Variants in EBF2 observed in about 807,000 individuals in gnomAD.
EBF2 encodes the protein EBF transcription factor 2, also known as transcription factor COE2.
Under a neutral mutation model 72.8 loss-of-function variants are expected in EBF2, and 21 were observed. The observed-to-expected ratio is 0.29, with a 90% CI of 0.20 to 0.42. The LOEUF is 0.42. Ranked by LOEUF, EBF2 falls within the 10% of genes least tolerant of loss-of-function variation. EBF2 has a pLI of 1.00. For missense variants in EBF2, 637 were observed against 731.2 expected (o/e 0.87, Z 1.49); for synonymous variants, 299 against 274.2 (o/e 1.09, Z -0.89).
chr8:25,878,680 C>T (rs890888314), intron 10 of EBF2, among the ~76,000 whole-genome samples: 1 of 152,192 alleles, frequency 6.6e-6, no homozygotes, highest in Non-Finnish European at 1.5e-5. Context: ...GACTCCTGAG[C>T]CATCCTTGAT....
chr8:25,845,764 G>T (rs1801820633), intron 15 of EBF2, among the ~76,000 whole-genome samples: 1 of 152,158 alleles, frequency 6.6e-6, no homozygotes, highest in South Asian at 2.1e-4. Context: ...TTAGAAAATG[G>T]CAGAATAGTT....
At chr8:25,903,039 C>A (rs1802979964) in intron 7 of EBF2, among the ~76,000 whole-genome samples, 2 of 152,190 alleles carry the variant, frequency 1.3e-5, no homozygotes, top group Non-Finnish European at 2.9e-5. Flanking sequence ...ACAGTTGATA[C>A]CCATTTTAGT....
chr8:25,881,706 A>G (rs1563387241), intron 10 of EBF2, among the ~76,000 whole-genome samples: 1 of 152,232 alleles, frequency 6.6e-6, no homozygotes, highest in East Asian at 1.9e-4. Flanking sequence ...CAAATGTTGC[A>G]TTTCCCAAGA....
intron 6 of EBF2, among the ~76,000 whole-genome samples, chr8:25,993,025 C>A (rs1279425065): frequency 6.6e-6 from 1 of 152,126 alleles, no homozygotes; most frequent in African/African-American, 2.4e-5. Context: ...CCTTTCCCTG[C>A]CCCCACCTCC....
rs147693815 is a variant in EBF2, at chr8:25,896,046, T to C, written c.634-6177A>G. Among the ~76,000 whole-genome samples the C allele has an allele frequency of 5.7e-3, 867 of 152,248 alleles. 5 individuals carry two copies. Among genetic ancestry groups the C allele is most frequent in the African/African-American group, 0.019 (804 of 41,552 alleles). On this transcript the variant is annotated intron_variant, in intron 7 of 15. Coordinates refer to ENST00000520164, the MANE Select transcript of EBF2 (RefSeq NM_022659.4). ...TGGCCAGTTGGGCCCTACTCCCAGC[T>C]AGGCTTTTTCAGCTCCTACCCAGGT...
In EBF2 at chr8:25,861,092, C is replaced by G. The variant is rs958758142; in HGVS notation, c.1299G>C (p.Gln433His). The G allele has an allele frequency of 6.2e-7, 1 of 1,614,020 alleles. No homozygotes were observed. The highest frequency in any genetic ancestry group is 1.3e-5 in the African/African-American group (1 of 74,910). ...GMMGINSYGSQLGVSISESTQ... is the reference protein window; with the variant it reads ...GMMGINSYGSHLGVSISESTQ... The stretch of plus-strand genomic sequence containing the variant: ...TTGACTCTGAGATGCTGACCCCAAG[C>G]TGGCTGCCATAGGAGTTGATTCCCA... The change falls in exon 13 of 16, where the codon CAG becomes CAC. Residue 433 changes from glutamine to histidine, a missense_variant. Around this residue, in one of 3 missense-constraint regions of EBF2, gnomAD observed 259 missense variants for 268.1 expected, o/e 0.97. Coordinates refer to ENST00000520164, the MANE Select transcript of EBF2 (RefSeq NM_022659.4).
chr8:25,855,185 G>A (rs1268160202), intron 14 of EBF2, among the ~76,000 whole-genome samples: 2 of 152,272 alleles, frequency 1.3e-5, no homozygotes, highest in African/African-American at 4.8e-5. Flanking sequence ...CTTTGTAGGA[G>A]GATTGATTGG....
intron 6 of EBF2, among the ~76,000 whole-genome samples, chr8:26,010,201 T>C (rs1364709920): frequency 1.3e-5 from 2 of 152,336 alleles, no homozygotes; most frequent in Non-Finnish European, 1.5e-5. Context: ...TGGCATTTTT[T>C]CCCCCTTCTC....
At chr8:26,027,129 A>G (rs1019892683) in intron 6 of EBF2, among the ~76,000 whole-genome samples, 1 of 152,196 alleles carries the variant, frequency 6.6e-6, no homozygotes, top group Admixed American at 6.5e-5. Flanking sequence ...CCTTGTAGAT[A>G]TAAATCTCAC....
chr8:25,851,250 ATCT>A lies in EBF2; in HGVS notation c.1529-492_1529-490del, dbSNP rs567974734. On this transcript the variant is annotated intron_variant, in intron 14 of 15. Transcript: ENST00000520164. The stretch of plus-strand genomic sequence containing the variant: ...CAGGGGTTTGGTCTGTAGGGTTAAC[ATCT>A]TCTCTGAGAGTGCCATCTCTATGGG... 2.0e-3 allele frequency among the ~76,000 whole-genome samples: 308 copies of A among 152,280 alleles called. 2 individuals carry two copies. The highest frequency in any genetic ancestry group is 7.1e-3 in the African/African-American group (294 of 41,552).
At chr8:26,012,356 G>A (rs1805038886) in intron 6 of EBF2, among the ~76,000 whole-genome samples, 1 of 152,036 alleles carries the variant, frequency 6.6e-6, no homozygotes, top group Non-Finnish European at 1.5e-5. Context: ...GGGATTTTTA[G>A]GAATATTACA....
intron 7 of EBF2, among the ~76,000 whole-genome samples, chr8:25,890,540 C>T (rs963826766): frequency 1.3e-5 from 2 of 152,116 alleles, no homozygotes; most frequent in African/African-American, 4.8e-5. Flanking sequence ...GCTTCTGTCC[C>T]CTAACTTGCA....
At chr8:25,895,915 G>A (rs888802945) in intron 7 of EBF2, among the ~76,000 whole-genome samples, 16 of 92,904 alleles carry the variant, frequency 1.7e-4, no homozygotes, top group Admixed American at 4.2e-4. Context: ...TTGGAACACC[G>A]TGTGTGTATG....
chr8:25,993,187 A>G (rs892219252), intron 6 of EBF2, among the ~76,000 whole-genome samples: 1 of 152,184 alleles, frequency 6.6e-6, no homozygotes, highest in Non-Finnish European at 1.5e-5. Flanking sequence ...AAGTGCCCAG[A>G]ACCTTAGTTT....
At chr8:25,955,369 G>A (rs1180933758) in intron 6 of EBF2, among the ~76,000 whole-genome samples, 1 of 152,204 alleles carries the variant, frequency 6.6e-6, no homozygotes, top group African/African-American at 2.4e-5. Context: ...AATTCAGGTG[G>A]GGGCCTTGAG....
At chr8:25,978,419 G>A (rs977644328) in intron 6 of EBF2, among the ~76,000 whole-genome samples, 1 of 152,154 alleles carries the variant, frequency 6.6e-6, no homozygotes, top group Non-Finnish European at 1.5e-5. Flanking sequence ...TGTTAGCTGC[G>A]GATCTCCAAG....
At chr8:25,923,081 G>C (rs1448942139) in intron 6 of EBF2, among the ~76,000 whole-genome samples, 1 of 152,174 alleles carries the variant, frequency 6.6e-6, no homozygotes, top group Admixed American at 6.5e-5. Context: ...ACTCAAGTGA[G>C]CAGCAGGACA....
At chr8:25,909,512 C>G (rs1280696458) in intron 6 of EBF2, among the ~76,000 whole-genome samples, 1 of 151,988 alleles carries the variant, frequency 6.6e-6, no homozygotes, top group African/African-American at 2.4e-5. Context: ...GTCCCAAAGT[C>G]CCTTCAGAAC....
chr8:25,907,610 A>T (rs1803059092), intron 7 of EBF2, among the ~76,000 whole-genome samples: 1 of 151,960 alleles, frequency 6.6e-6, no homozygotes, highest in South Asian at 2.1e-4. Flanking sequence ...GGGGCAAGTT[A>T]TTTAACCTTC....
Sources: gnomAD v4.1 joint callset for allele counts (sites outside exome capture counted in the v4.1 genomes callset) on GRCh38, gnomAD v4.1.1 for gene constraint, gnomAD v4.1.1 regional missense constraint, MANE v1.5 for transcripts, NCBI Gene and HGNC (gene_info 2026-07-23, HGNC 2026-07-21) for gene names.